RRBP1: variants seen among roughly 807,000 people sequenced by gnomAD.
RRBP1 encodes the protein ribosome-binding protein 1.
A neutral mutation model predicts 165.2 loss-of-function variants in RRBP1; 94 were observed. The ratio of observed to expected loss-of-function variants is 0.57; its 90% confidence interval spans 0.48 to 0.68. The LOEUF (loss-of-function observed/expected upper bound fraction) is 0.68, where lower values mean the gene tolerates loss of function less well. Ranked by LOEUF, RRBP1 falls within the 30% of genes least tolerant of loss-of-function variation. The pLI is 0.00. For missense variants in RRBP1, 1,676 were observed against 1,763.0 expected (o/e 0.95, Z 0.88); for synonymous variants, 680 against 714.5 (o/e 0.95, Z 0.77).
chr20:17,664,301 G>A (rs2036826257), intron 2 of RRBP1, among the ~76,000 whole-genome samples: 1 of 152,190 alleles, frequency 6.6e-6, no homozygotes, highest in South Asian at 2.1e-4. Flanking sequence ...CACATCCCAG[G>A]CAAGACGCTA....
At chr20:17,656,072 G>A (rs936885136) in intron 3 of RRBP1, among the ~76,000 whole-genome samples, 2 of 152,228 alleles carry the variant, frequency 1.3e-5, no homozygotes, top group African/African-American at 4.8e-5. Context: ...TGTCTGGGGA[G>A]TGGCCCAAAT....
chr20:17,621,785 C>T lies in RRBP1; in HGVS notation c.3241-12G>A, dbSNP rs747028491. ...CACTCGGTGTAATTCTGCAATGAAA[C>T]ACATTCGGTGAGACCCGGGGACATT... On this transcript the variant is annotated splice_polypyrimidine_tract_variant and intron_variant, in intron 14 of 24. Coordinates refer to ENST00000377813, the MANE Select transcript of RRBP1 (RefSeq NM_001365613.2). 14 of 1,613,888 alleles carry T rather than the reference C, an allele frequency of 8.7e-6. No individual in the cohort carries two copies. Among genetic ancestry groups the T allele is most frequent in the Non-Finnish European group, 1.1e-5 (13 of 1,179,946 alleles).
At chr20:17,619,933 GGACT>G (rs1306286175) in intron 18 of RRBP1, 1 of 557,530 alleles carries the variant, frequency 1.8e-6, no homozygotes, top group Non-Finnish European at 3.2e-6. Flanking sequence ...GCACTCCTGG[GGACT>G]GACATGCTCT....
intron 2 of RRBP1, among the ~76,000 whole-genome samples, chr20:17,669,668 T>C (rs1568789339): frequency 6.6e-6 from 1 of 151,812 alleles, no homozygotes; most frequent in Non-Finnish European, 1.5e-5. Context: ...CACCATGGAG[T>C]CTTACACGTT....
chr20:17,658,847 G>C lies in RRBP1; in HGVS notation c.1661C>G (p.Ala554Gly). The change falls in exon 3 of 25, where the codon GCT becomes GGT. Residue 554 changes from alanine (A) to glycine (G), a missense_variant. Around this residue, in one of 5 missense-constraint regions of RRBP1, gnomAD observed 1,184 missense variants for 1,167.1 expected, o/e 1.01. Coordinates refer to ENST00000377813, the MANE Select transcript of RRBP1 (RefSeq NM_001365613.2). ...ACCCTCTACCTTTGTGCCCTGATTA[G>C]CAACCGAATCTGCCTTTTTGCCCTG... ...PIQGKKADSV[A>G]NQGTKVEGIT... is the part of the protein sequence containing the mutation. 6.2e-7 allele frequency: 1 copy of C among 1,613,934 alleles called. No homozygotes were observed. Among genetic ancestry groups the C allele is most frequent in the Non-Finnish European group, 8.5e-7 (1 of 1,179,894 alleles).
chr20:17,648,107 G>A (rs2036496483), intron 3 of RRBP1, among the ~76,000 whole-genome samples: 1 of 152,190 alleles, frequency 6.6e-6, no homozygotes, highest in African/African-American at 2.4e-5. Flanking sequence ...AAAGCCAAGG[G>A]CATCTCTGTC....
chr20:17,618,404 G>T (rs911349), intron 20 of RRBP1, among the ~76,000 whole-genome samples, 192 bp downstream of exon 20: 86,586 of 152,184 alleles, frequency 0.57, 30,335 homozygotes, highest in Middle Eastern at 0.78. Flanking sequence ...AACAGCCACA[G>T]GCCCAGCTCA....
At chr20:17,636,851 G>T in intron 5 of RRBP1, 122 bp from the exon 6 acceptor site, 1 of 1,242,428 alleles carries the variant, frequency 8.0e-7, no homozygotes. Context: ...CCCTCCTGCT[G>T]GCCGGGTTCT....
At chr20:17,656,089 C>T (rs2036640748) in intron 3 of RRBP1, among the ~76,000 whole-genome samples, 1 of 152,224 alleles carries the variant, frequency 6.6e-6, no homozygotes, top group Non-Finnish European at 1.5e-5. Context: ...AAATCCACCG[C>T]AGATGGCCCT....
chr20:17,651,643 A>AC (rs903127115), intron 3 of RRBP1, among the ~76,000 whole-genome samples: 11 of 150,984 alleles, frequency 7.3e-5, no homozygotes, highest in Admixed American at 2.0e-4. Flanking sequence ...CAATGAATTT[A>AC]CCCCCCCGCC....
At chr20:17,618,733 A>G in intron 19 of RRBP1, 54 bp from the exon 20 acceptor site, 2 of 1,400,942 alleles carry the variant, frequency 1.4e-6, no homozygotes, top group African/African-American at 2.8e-5. Flanking sequence ...AAAGGAGAAA[A>G]CCAGTCCCCG....
At chr20:17,677,708 G>A (rs1190946849) in intron 2 of RRBP1, among the ~76,000 whole-genome samples, 5 of 152,186 alleles carry the variant, frequency 3.3e-5, no homozygotes, top group African/African-American at 7.2e-5. Context: ...GTGTGGTGGC[G>A]CATGCCTGTA....
At chr20:17,628,504 C>T (rs2036077572) in intron 9 of RRBP1, among the ~76,000 whole-genome samples, 1 of 152,210 alleles carries the variant, frequency 6.6e-6, no homozygotes, top group Admixed American at 6.5e-5. Flanking sequence ...CCCCTCTGGT[C>T]TGCTCTCCAC....
chr20:17,654,477 T>C (rs2036612780), intron 3 of RRBP1, among the ~76,000 whole-genome samples: 1 of 152,250 alleles, frequency 6.6e-6, no homozygotes, highest in South Asian at 2.1e-4. Flanking sequence ...ACTGAATACA[T>C]TGCTTGTTAA....
chr20:17,652,998 AC>A (rs2036584587), intron 3 of RRBP1, among the ~76,000 whole-genome samples: 1 of 152,196 alleles, frequency 6.6e-6, no homozygotes, highest in Non-Finnish European at 1.5e-5. Context: ...CTCATGGCTA[AC>A]TGAAAACCAA....
At chr20:17,660,698 C>T (rs1414782839) in intron 2 of RRBP1, among the ~76,000 whole-genome samples, 170 bp from the exon 3 acceptor site, 1 of 152,206 alleles carries the variant, frequency 6.6e-6, no homozygotes, top group Non-Finnish European at 1.5e-5. Flanking sequence ...TCACCTGCTC[C>T]TCTTTAGGAG....
rs1445231799 is a variant in RRBP1 at position 17,636,705 on chromosome 20, C to T, written c.2209G>A (p.Ala737Thr). The T allele has an allele frequency of 1.9e-6, 3 of 1,613,036 alleles. No individual in the cohort carries two copies. The Admixed American group carries it at 5.0e-5, about 27-fold the overall frequency. Residue 737 changes from alanine to threonine, a missense_variant, in exon 6 of 25, where the codon GCA becomes ACA. Around this residue, in one of 5 missense-constraint regions of RRBP1, gnomAD observed 1,184 missense variants for 1,167.1 expected, o/e 1.01. Coordinates refer to ENST00000377813, the MANE Select transcript of RRBP1 (RefSeq NM_001365613.2). The stretch of plus-strand genomic sequence containing the variant: ...TTCACTTTGGCCTCCCCGGCTGCTG[C>T]TTTGGCCTTTTCTGCTGCCATCTCC... ...NKEMAAEKAKAAAGEAKVKKQ... is the reference protein window; with the variant it reads ...NKEMAAEKAKTAAGEAKVKKQ...
chr20:17,629,119 T>A (rs1327517538), intron 9 of RRBP1, among the ~76,000 whole-genome samples: 3 of 152,240 alleles, frequency 2.0e-5, no homozygotes, highest in Non-Finnish European at 2.9e-5. Flanking sequence ...CTGAACACAG[T>A]CCCTGTGTAG....
At chr20:17,669,499 T>C (rs796126134) in intron 2 of RRBP1, among the ~76,000 whole-genome samples, 1 of 152,220 alleles carries the variant, frequency 6.6e-6, no homozygotes, top group Admixed American at 6.5e-5. Flanking sequence ...GTCAGTGTCA[T>C]CTATACTGTA....
Sources: gnomAD v4.1 joint callset for allele counts (sites outside exome capture counted in the v4.1 genomes callset) on GRCh38, gnomAD v4.1.1 for gene constraint, gnomAD v4.1.1 regional missense constraint, MANE v1.5 for transcripts, NCBI Gene and HGNC (gene_info 2026-07-23, HGNC 2026-07-21) for gene names.